Variants in DDX60L observed in about 807,000 individuals in gnomAD.
DDX60L encodes the protein DExD/H-box 60 like, also known as probable ATP-dependent RNA helicase DDX60-like.
DDX60L carries 191 observed loss-of-function variants against 211.6 expected under a neutral mutation model. The observed-to-expected ratio is 0.90, with a 90% CI of 0.80 to 1.02. The LOEUF (loss-of-function observed/expected upper bound fraction) is 1.02. DDX60L is among the 50% of genes least tolerant of loss of function. The pLI is 0.00. For missense variants in DDX60L, 2,007 were observed against 1,984.1 expected (o/e 1.01, Z -0.22); for synonymous variants, 706 against 694.1 (o/e 1.02, Z -0.27).
At chr4:168,479,981 C>CAAA (rs60737462) in intron 1 of DDX60L, among the ~76,000 whole-genome samples, 8 of 100,868 alleles carry the variant, frequency 7.9e-5, no homozygotes, top group Non-Finnish European at 1.4e-4. Context: ...GAGACTGACT[C>CAAA]AAAAAAAAAA....
At chr4:168,422,969 T>TTGTGTGTGTGTGTGTGTGTGTGTGTG (rs5863932) in intron 15 of DDX60L, among the ~76,000 whole-genome samples, 10 of 132,960 alleles carry the variant, frequency 7.5e-5, no homozygotes, top group African/African-American at 2.4e-4. Flanking sequence ...GTGGCTAATA[T>TTGTGTGTGTGTGTGTGTGTGTGTGTG]TGTGTGTGTG....
intron 9 of DDX60L, among the ~76,000 whole-genome samples, chr4:168,447,778 C>A (rs1282323940): frequency 1.3e-5 from 2 of 149,532 alleles, no homozygotes; most frequent in Admixed American, 1.4e-4. Flanking sequence ...ATCGCAAGAT[C>A]AAAAAAACCA....
chr4:168,432,971 G>A (rs115146996), intron 11 of DDX60L, 39 bp downstream of exon 11: 26,326 of 1,344,920 alleles, frequency 0.02, 456 homozygotes, highest in Non-Finnish European at 0.019. Flanking sequence ...GTATTTTCAA[G>A]TTGATGGCAC....
chr4:168,399,674 T>C (rs960910298), intron 26 of DDX60L, among the ~76,000 whole-genome samples: 1 of 152,016 alleles, frequency 6.6e-6, no homozygotes, highest in Non-Finnish European at 1.5e-5. Flanking sequence ...GGCAAGGACC[T>C]GAACCAAGGC....
At chr4:168,469,480 T>C (rs1002466261) in intron 4 of DDX60L, 1 of 152,154 alleles carries the variant, frequency 6.6e-6, no homozygotes, top group East Asian at 1.9e-4. Context: ...GACTAAGAGA[T>C]AGGCAATGAT....
chr4:168,468,170 T>TAATAAATAAATAAGTA (rs1758270276), intron 4 of DDX60L, among the ~76,000 whole-genome samples: 1 of 150,118 alleles, frequency 6.7e-6, no homozygotes. Context: ...CCATCTCAAA[T>TAATAAATAAATAAGTA]AATAAATAAA....
At chr4:168,428,605 T>C (rs889383176) in intron 13 of DDX60L, among the ~76,000 whole-genome samples, 5 of 152,144 alleles carry the variant, frequency 3.3e-5, no homozygotes, top group African/African-American at 4.8e-5. Flanking sequence ...TGGTCATCAA[T>C]AGTTTGGTTT....
intron 1 of DDX60L, among the ~76,000 whole-genome samples, chr4:168,477,243 G>A (rs1010577686): frequency 2.6e-5 from 4 of 151,966 alleles, no homozygotes; most frequent in Non-Finnish European, 5.9e-5. Context: ...GTGAAACCCT[G>A]TCTCTACTAA....
At chr4:168,424,249 C>T (rs1751120452) in intron 14 of DDX60L, among the ~76,000 whole-genome samples, 1 of 152,194 alleles carries the variant, frequency 6.6e-6, no homozygotes, top group African/African-American at 2.4e-5. Context: ...ATGAAACCAT[C>T]AGCAGAACCC....
chr4:168,472,875 G>A, intron 1 of DDX60L, 66 bp from the exon 2 acceptor site: 5 of 639,998 alleles, frequency 7.8e-6, no homozygotes, highest in South Asian at 2.2e-5. Context: ...CAAAAAATAT[G>A]GTTACATTTT....
At chr4:168,378,139 G>C (rs1005980476) in intron 33 of DDX60L, among the ~76,000 whole-genome samples, 3 of 152,134 alleles carry the variant, frequency 2.0e-5, no homozygotes, top group Non-Finnish European at 2.9e-5. Flanking sequence ...CTCCAATAAA[G>C]TGAAAAAACT....
At chr4:168,359,892 C>A (rs1738813644) in intron 37 of DDX60L, among the ~76,000 whole-genome samples, 1 of 152,120 alleles carries the variant, frequency 6.6e-6, no homozygotes, top group Non-Finnish European at 1.5e-5. Context: ...ACATCAGGAC[C>A]TTTAATATTT....
chr4:168,418,161 G>A (rs112904583), intron 19 of DDX60L, among the ~76,000 whole-genome samples: 221 of 152,176 alleles, frequency 1.5e-3, no homozygotes, highest in African/African-American at 5.0e-3. Context: ...TCTGCCTCCC[G>A]GGTTCAAGTG....
intron 4 of DDX60L, among the ~76,000 whole-genome samples, chr4:168,463,088 A>G (rs987155733): frequency 6.6e-6 from 1 of 152,188 alleles, no homozygotes; most frequent in African/African-American, 2.4e-5. Context: ...AACTGTGGCA[A>G]TTCCTGAAAG....
At chr4:168,426,080 T>G (rs1217967375) in intron 14 of DDX60L, among the ~76,000 whole-genome samples, 1 of 152,038 alleles carries the variant, frequency 6.6e-6, no homozygotes, top group Non-Finnish European at 1.5e-5. Flanking sequence ...CAGCCCACAG[T>G]GTGGAAATGG....
chr4:168,404,012 T>A lies in DDX60L; in HGVS notation c.3308A>T (p.Gln1103Leu), dbSNP rs1169386825. 6.7e-7 allele frequency: 1 copy of A among 1,494,850 alleles called. No individual in the cohort carries two copies. Among genetic ancestry groups the A allele is most frequent in the Non-Finnish European group, 9.0e-7 (1 of 1,109,632 alleles). 92.6% of individuals were successfully genotyped at this position (1,494,850 alleles called of 1,614,324 possible). The change falls in exon 25 of 38, where the codon CAA becomes CTA. Residue 1103 changes from glutamine to leucine, a missense_variant. Transcript: ENST00000682922. Reference sequence around the variant, plus strand: ...AAATATTGCAGGCAACTTATCCATTTGTCTTAACTTTTCAACAAGAAGAGG... The same window carrying A: ...AAATATTGCAGGCAACTTATCCATTAGTCTTAACTTTTCAACAAGAAGAGG... ...MFPLLVEKLRQMDKLPAIFFL... is the reference protein window; with the variant it reads ...MFPLLVEKLRLMDKLPAIFFL...
At chr4:168,434,718 GA>G in intron 10 of DDX60L, among the ~76,000 whole-genome samples, 1 of 152,088 alleles carries the variant, frequency 6.6e-6, no homozygotes, top group Non-Finnish European at 1.5e-5. Context: ...AGTGTTCCTA[GA>G]AAAAAACAAA....
Position 168,357,398 on chromosome 4 carries a change from T to G in DDX60L, c.*749A>C, listed in dbSNP as rs1738352614. ...AACAAACATGTATTTCTCACAATCC[T>G]GGAGGCTGGAAAGTTCAAGATCATG... On this transcript the variant is annotated 3_prime_UTR_variant, in exon 38 of 38. Coordinates refer to ENST00000682922, the MANE Select transcript of DDX60L (RefSeq NM_001012967.3). The G allele has an allele frequency of 1.3e-5, 2 of 152,258 alleles. No homozygotes were observed. Among genetic ancestry groups the G allele is most frequent in the African/African-American group, 4.8e-5 (2 of 41,452 alleles). The allele number at this position is 152,258 out of a possible 1,614,324, so 9.4% of individuals were successfully genotyped here.
chr4:168,433,708 T>G (rs527701500), intron 10 of DDX60L, among the ~76,000 whole-genome samples: 1 of 152,306 alleles, frequency 6.6e-6, no homozygotes, highest in Non-Finnish European at 1.5e-5. Flanking sequence ...TCCTAAATTC[T>G]GGACAATATC....
Sources: gnomAD v4.1 joint callset for allele counts (sites outside exome capture counted in the v4.1 genomes callset) on GRCh38, gnomAD v4.1.1 for gene constraint, MANE v1.5 for transcripts, NCBI Gene and HGNC (gene_info 2026-07-23, HGNC 2026-07-21) for gene names.